Variants in RAD51B observed in about 807,000 individuals in gnomAD.
RAD51B encodes the protein RAD51 paralog B.
In RAD51B, 38 loss-of-function variants were observed where a neutral mutation model predicts 42.2. That is an observed-to-expected ratio of 0.90 (90% confidence interval 0.70 to 1.18). The LOEUF is 1.18. RAD51B is among the 50% of genes most tolerant of loss of function. RAD51B has a pLI of 0.00. For missense variants in RAD51B, 373 were observed against 400.7 expected, an observed-to-expected ratio of 0.93 and a Z score of 0.59; for synonymous variants, 154 against 145.2, an observed-to-expected ratio of 1.06 and a Z score of -0.43.
At chr14:68,200,498 G>A (rs1185724468) in intron 7 of RAD51B, among the ~76,000 whole-genome samples, 1 of 152,126 alleles carries the variant, frequency 6.6e-6, no homozygotes, top group Non-Finnish European at 1.5e-5. Context: ...AAAATGCTGA[G>A]GAATATAATT....
chr14:67,888,167 T>C (rs2043117383), intron 7 of RAD51B, among the ~76,000 whole-genome samples: 1 of 152,312 alleles, frequency 6.6e-6, no homozygotes, highest in African/African-American at 2.4e-5. Context: ...TTCAAAAAGT[T>C]CTGCATACTT....
At chr14:68,237,689 C>T (rs2080288821) in intron 7 of RAD51B, among the ~76,000 whole-genome samples, 2 of 149,938 alleles carry the variant, frequency 1.3e-5, no homozygotes, top group African/African-American at 4.9e-5. Context: ...CTGCTGTGAA[C>T]ATTTACATGC....
In RAD51B at chr14:68,394,413, C is replaced by T. The variant is rs1219171002; in HGVS notation, c.854-17011C>T. On this transcript the variant is annotated intron_variant, in intron 8 of 10. Transcript: ENST00000471583. The stretch of plus-strand genomic sequence containing the variant: ...CAGCTACAAGCAATGACCAGGGAGG[C>T]CCACCTTGAATCCTGAACCTCTTTG... Among the ~76,000 whole-genome samples the T allele has an allele frequency of 3.3e-5, 5 of 152,308 alleles. No homozygotes were observed. The East Asian group carries it at 9.6e-4, about 29-fold the overall frequency.
chr14:68,379,149 C>T (rs1296268377), intron 8 of RAD51B, among the ~76,000 whole-genome samples: 1 of 152,204 alleles, frequency 6.6e-6, no homozygotes, highest in Middle Eastern at 3.2e-3. Flanking sequence ...ACATAAGTCT[C>T]ATGCCATTAT....
At chr14:67,857,790 A>G (rs2042043750) in intron 4 of RAD51B, 1 of 153,182 alleles carries the variant, frequency 6.5e-6, no homozygotes, top group Admixed American at 6.5e-5. Flanking sequence ...TCGGCCCACC[A>G]TGCTCAACCT....
chr14:68,154,447 C>G (rs1414891732), intron 7 of RAD51B, among the ~76,000 whole-genome samples: 1 of 152,234 alleles, frequency 6.6e-6, no homozygotes, highest in Non-Finnish European at 1.5e-5. Flanking sequence ...CTACTCCTCT[C>G]AGAGCATTCT....
chr14:68,391,613 T>G (rs1018473298), intron 8 of RAD51B, among the ~76,000 whole-genome samples: 7 of 151,034 alleles, frequency 4.6e-5, no homozygotes, highest in Non-Finnish European at 7.4e-5. Flanking sequence ...ACAACTGGAC[T>G]TGGAGATAAA....
chr14:68,309,272 G>T (rs1436050689), intron 8 of RAD51B, among the ~76,000 whole-genome samples: 5 of 152,074 alleles, frequency 3.3e-5, no homozygotes, highest in African/African-American at 9.7e-5. Flanking sequence ...AAGCATTTGA[G>T]ACAGAGCAGC....
At chr14:68,275,839 CA>C (rs765634535) in intron 7 of RAD51B, among the ~76,000 whole-genome samples, 128 of 142,300 alleles carry the variant, frequency 9.0e-4, no homozygotes, top group East Asian at 2.4e-3. Flanking sequence ...CACACACACA[CA>C]CCCTTGAATT....
chr14:68,342,996 G>C (rs1273671016), intron 8 of RAD51B, among the ~76,000 whole-genome samples: 1 of 140,198 alleles, frequency 7.1e-6, no homozygotes, highest in African/African-American at 2.8e-5. Context: ...TTTTTTTTTT[G>C]CTTATTTTTA....
At chr14:68,056,189 C>T (rs909272845) in intron 7 of RAD51B, among the ~76,000 whole-genome samples, 5 of 152,072 alleles carry the variant, frequency 3.3e-5, no homozygotes, top group African/African-American at 2.4e-5. Flanking sequence ...GACAGGGTCT[C>T]GCTTTGTCAC....
At chr14:68,457,811 C>T (rs1594867138) in intron 9 of RAD51B, among the ~76,000 whole-genome samples, 1 of 133,564 alleles carries the variant, frequency 7.5e-6, no homozygotes, top group Non-Finnish European at 1.6e-5. Flanking sequence ...GACAGGGTTT[C>T]ACTATGTTAC....
At chr14:67,951,916 G>A (rs763272015) in intron 7 of RAD51B, among the ~76,000 whole-genome samples, 16 of 152,074 alleles carry the variant, frequency 1.1e-4, no homozygotes, top group South Asian at 2.1e-4. Flanking sequence ...GTTATTTTGC[G>A]TAAATAACCC....
intron 8 of RAD51B, among the ~76,000 whole-genome samples, chr14:68,318,788 GA>G (rs2082108369): frequency 1.3e-5 from 2 of 152,198 alleles, no homozygotes; most frequent in Admixed American, 1.3e-4. Flanking sequence ...ACCCGCCAAA[GA>G]AAATGCTGTT....
chr14:67,871,313 A>AC (rs2042523009), intron 5 of RAD51B, among the ~76,000 whole-genome samples: 1 of 152,188 alleles, frequency 6.6e-6, no homozygotes, highest in African/African-American at 2.4e-5. Context: ...AAACACCTCT[A>AC]TGCAAATAAA....
At chr14:67,822,163 T>G (rs2040651863) in intron 1 of RAD51B, 1 of 152,246 alleles carries the variant, frequency 6.6e-6, no homozygotes, top group African/African-American at 2.4e-5. Context: ...ATTGCTTTAT[T>G]CCTTGGATCC....
intron 7 of RAD51B, among the ~76,000 whole-genome samples, chr14:68,247,254 G>T (rs1595601731): frequency 6.6e-6 from 1 of 151,400 alleles, no homozygotes; most frequent in East Asian, 1.9e-4. Context: ...TAAAACTTCA[G>T]CTTGAAAAAA....
chr14:67,871,572 C>T (rs961993562), intron 5 of RAD51B, among the ~76,000 whole-genome samples: 7 of 150,800 alleles, frequency 4.6e-5, no homozygotes, highest in African/African-American at 1.5e-4. Flanking sequence ...AGGGAATCCT[C>T]CCTAACTGAT....
chr14:67,940,823 A>G lies in RAD51B; in HGVS notation c.756+53619A>G, dbSNP rs551077337. ...AAAAATACAATTTCTTCTTTCATCT[A>G]TGTCCCATATTATACAAATGTTCGC... On this transcript the variant is annotated intron_variant, in intron 7 of 10. Coordinates refer to ENST00000471583, the MANE Select transcript of RAD51B (RefSeq NM_133510.4). Among the ~76,000 whole-genome samples, 11 of 152,084 alleles carry G rather than the reference A, an allele frequency of 7.2e-5. 1 individual carries two copies. Among genetic ancestry groups the G allele is most frequent in the African/African-American group, 1.7e-4 (7 of 41,512 alleles).
Sources: allele counts gnomAD v4.1 joint callset (sites outside exome capture counted in the v4.1 genomes callset), GRCh38; gene constraint gnomAD v4.1.1; transcripts MANE v1.5; gene names NCBI Gene and HGNC (gene_info 2026-07-23, HGNC 2026-07-21).